Variants in TRANK1 observed in about 807,000 individuals in gnomAD.
TRANK1 encodes the protein TPR and ankyrin repeat-containing protein 1.
A neutral mutation model predicts 266.0 loss-of-function variants in TRANK1; 198 were observed. The ratio of observed to expected loss-of-function variants is 0.74; its 90% confidence interval spans 0.66 to 0.84. TRANK1 has a LOEUF of 0.84. Among genes scored for constraint, TRANK1 ranks in the 40% least tolerant of loss-of-function variants. The probability of loss-of-function intolerance (pLI) is 0.00; values close to 1 mark genes in which losing one functional copy is unlikely to be tolerated. For synonymous variants in TRANK1, 1,396 were observed against 1,384.1 expected, an observed-to-expected ratio of 1.01 and a Z score of -0.19; for missense variants, 3,326 against 3,634.6, an observed-to-expected ratio of 0.92 and a Z score of 2.18.
At position 36,832,238 on chromosome 3, in the gene TRANK1, T is replaced by C. The variant is rs1408478949; in HGVS notation, c.7345A>G (p.Ile2449Val). The C allele has an allele frequency of 3.1e-6, 5 of 1,613,964 alleles. No individual in the cohort carries two copies. Among genetic ancestry groups the C allele is most frequent in the African/African-American group, 1.3e-5 (1 of 75,038 alleles). The change falls in exon 22 of 24, where the codon ATT (isoleucine) becomes GTT (valine). Residue 2449 changes from isoleucine to valine, a missense_variant. Physicochemically the swap from Ile to Val is conservative, Grantham distance 29 (BLOSUM62 3). Transcript: ENST00000645898. ...KRCKEPLIPS[I>V]GNTVALLEFQ... The stretch of plus-strand genomic sequence containing the variant: ...TCCAGGAGGGCTACTGTGTTTCCAA[T>C]GCTGGGGATGAGTGGTTCTTTGCAC...
At chr3:36,862,416 C>T (rs148045820) in intron 10 of TRANK1, among the ~76,000 whole-genome samples, 3 of 152,022 alleles carry the variant, frequency 2.0e-5, no homozygotes, top group African/African-American at 7.3e-5. Flanking sequence ...ATAGGCTAGT[C>T]TATCATCTTA....
chr3:36,854,988 T>G (rs946407602), intron 13 of TRANK1, among the ~76,000 whole-genome samples, 185 bp downstream of exon 13: 6 of 152,252 alleles, frequency 3.9e-5, no homozygotes, highest in African/African-American at 4.8e-5. Context: ...CTTAAATTAT[T>G]AACTTAAGGA....
Position 36,846,323 on chromosome 3 carries a change from C to T in TRANK1, c.5116G>A (p.Glu1706Lys), listed in dbSNP as rs748153983. The change falls in exon 17 of 24, where the codon GAG becomes AAG. Residue 1706 changes from glutamate to lysine, a missense_variant. Coordinates refer to ENST00000645898, the MANE Select transcript of TRANK1 (RefSeq NM_001329998.2). The stretch of plus-strand genomic sequence containing the variant: ...TATTTGAATGCGGGAGCCCGTTTCT[C>T]TCGGTTTTCATCAAAGATCCAGAGG... ...VNLWIFDENR[E>K]KRAPAFKYFI... 5 of 1,613,728 alleles carry T rather than the reference C, an allele frequency of 3.1e-6. No individual in the cohort carries two copies. Among genetic ancestry groups the T allele is most frequent in the African/African-American group, 1.3e-5 (1 of 75,012 alleles).
intron 8 of TRANK1, among the ~76,000 whole-genome samples, chr3:36,885,602 G>A (rs1170368538): frequency 1.3e-5 from 2 of 152,194 alleles, no homozygotes; most frequent in African/African-American, 2.4e-5. Flanking sequence ...TAGCACGATC[G>A]TAGTTCACTG....
chr3:36,898,530 C>T (rs1387305296), intron 4 of TRANK1, among the ~76,000 whole-genome samples: 1 of 151,930 alleles, frequency 6.6e-6, no homozygotes, highest in Non-Finnish European at 1.5e-5. Flanking sequence ...ACGGAAACCC[C>T]TATGAATAGC....
intron 13 of TRANK1, among the ~76,000 whole-genome samples, chr3:36,854,479 A>G (rs1306339524): frequency 1.3e-5 from 2 of 152,264 alleles, no homozygotes; most frequent in South Asian, 2.1e-4. Context: ...ATGTAAAGCA[A>G]TACTCCATAT....
At chr3:36,936,872 C>T (rs530929677) in intron 1 of TRANK1, among the ~76,000 whole-genome samples, 8 of 152,248 alleles carry the variant, frequency 5.3e-5, no homozygotes, top group African/African-American at 1.7e-4. Context: ...GAGACTGAGG[C>T]GGGTGGATCA....
chr3:36,871,216 C>G (rs1392654799), intron 9 of TRANK1, among the ~76,000 whole-genome samples: 1 of 151,962 alleles, frequency 6.6e-6, no homozygotes, highest in African/African-American at 2.4e-5. Flanking sequence ...GCTGAAACCC[C>G]GTCCCTACTA....
chr3:36,845,087 G>A (rs1404755089), intron 17 of TRANK1, among the ~76,000 whole-genome samples: 3 of 151,904 alleles, frequency 2.0e-5, no homozygotes, highest in African/African-American at 7.3e-5. Context: ...TAGCACAGAG[G>A]TAAGAAGGTG....
At chr3:36,911,138 C>T (rs1403275406) in intron 1 of TRANK1, among the ~76,000 whole-genome samples, 1 of 151,520 alleles carries the variant, frequency 6.6e-6, no homozygotes, top group East Asian at 1.9e-4. Flanking sequence ...AAAATACAGG[C>T]CTATACGGTT....
chr3:36,870,420 AAGAGAG>A lies in TRANK1; in HGVS notation c.1078+3700_1078+3705del, dbSNP rs34639575. On this transcript the variant is annotated intron_variant, in intron 9 of 23. Transcript: ENST00000645898. ...AAAACTCTGTTTCAAAAAAAAAAAA[AAGAGAG>A]AGAGAGAGAGAGAGTTCCACTGCCT... 1.9e-3 allele frequency among the ~76,000 whole-genome samples: 279 copies of A among 145,362 alleles called. 2 individuals are homozygous for A. Among genetic ancestry groups the A allele is most frequent in the African/African-American group, 6.5e-3 (255 of 39,088 alleles).
intron 11 of TRANK1, among the ~76,000 whole-genome samples, chr3:36,859,981 T>A (rs2079117975): frequency 1.3e-5 from 2 of 152,338 alleles, no homozygotes; most frequent in Admixed American, 6.5e-5. Flanking sequence ...ACACACAATG[T>A]CTTGTGTGTT....
chr3:36,828,792 T>C (rs2078659617), intron 23 of TRANK1, among the ~76,000 whole-genome samples: 1 of 152,198 alleles, frequency 6.6e-6, no homozygotes, highest in South Asian at 2.1e-4. Flanking sequence ...GTATACCAAT[T>C]CTCTTCCCTT....
intron 9 of TRANK1, among the ~76,000 whole-genome samples, chr3:36,864,997 G>GT (rs2079193625): frequency 6.8e-6 from 1 of 147,560 alleles, no homozygotes; most frequent in Non-Finnish European, 1.5e-5. Flanking sequence ...ATGCTTGTTG[G>GT]TTTTTGGGGG....
At chr3:36,924,552 T>C (rs1366751450) in intron 1 of TRANK1, among the ~76,000 whole-genome samples, 1 of 152,192 alleles carries the variant, frequency 6.6e-6, no homozygotes, top group Non-Finnish European at 1.5e-5. Context: ...ATAACCCTTA[T>C]GCAAAAGAAA....
At chr3:36,850,925 A>G in intron 15 of TRANK1, 2 of 985,560 alleles carry the variant, frequency 2.0e-6, no homozygotes, top group Non-Finnish European at 2.4e-6. Context: ...AAGGACTGGG[A>G]CACAGCCAGC....
intron 15 of TRANK1, 141 bp from the exon 16 acceptor site, chr3:36,847,487 T>A (rs1190447593): frequency 9.5e-6 from 8 of 841,162 alleles, no homozygotes; most frequent in Non-Finnish European, 1.3e-5. Context: ...CATCCTGTGA[T>A]CTTAGAATGG....
In TRANK1 at chr3:36,851,779, A is replaced by G. The variant is rs751611135; in HGVS notation, c.4827T>C (p.Tyr1609=). 13 of 1,613,042 alleles carry G rather than the reference A, an allele frequency of 8.1e-6. No homozygotes were observed. ...ELGLALVLTI[Y]EAKGLEFDDV... is the part of the protein sequence containing the mutation. ...CATCAAATTCTAAGCCTTTTGCTTC[A>G]TAAATTGTTAGCACAAGTGCTAACC... Residue 1609 remains tyrosine, a synonymous_variant, in exon 15 of 24, where the codon TAT becomes TAC. Coordinates refer to ENST00000645898, the MANE Select transcript of TRANK1 (RefSeq NM_001329998.2).
chr3:36,866,790 CA>C (rs2079233879), intron 9 of TRANK1, among the ~76,000 whole-genome samples: 1 of 152,180 alleles, frequency 6.6e-6, no homozygotes, highest in East Asian at 1.9e-4. Flanking sequence ...ACACCAATGT[CA>C]GGGGGTACTC....
Sources: allele counts gnomAD v4.1 joint callset (sites outside exome capture counted in the v4.1 genomes callset), GRCh38; gene constraint gnomAD v4.1.1; transcripts MANE v1.5; gene names NCBI Gene and HGNC (gene_info 2026-07-23, HGNC 2026-07-21).